The following ACTR3C variants were observed in gnomAD, a reference collection of about 807,000 sequenced individuals.
ACTR3C encodes actin related protein 3C.
Under a neutral mutation model 26.3 loss-of-function variants are expected in ACTR3C, and 18 were observed. The ratio of observed to expected loss-of-function variants is 0.68; its 90% CI spans 0.47 to 1.01. The LOEUF (loss-of-function observed/expected upper bound fraction) is 1.01. ACTR3C is among the 50% of genes least tolerant of loss of function. The pLI is 0.00. For missense variants in ACTR3C, 184 were observed against 250.7 expected, an observed-to-expected ratio of 0.73 and a Z score of 1.80; for synonymous variants, 55 against 94.5, an observed-to-expected ratio of 0.58 and a Z score of 2.42.
the ACTR3C span, among the ~76,000 whole-genome samples, chr7:150,035,189 G>GTAA: frequency 1.0e-3 from 140 of 135,280 alleles, no homozygotes; most frequent in African/African-American, 3.9e-3. Context: ...CTGGCTCTCA[G>GTAA]TCCCCGCCTC....
the ACTR3C span, among the ~76,000 whole-genome samples, chr7:150,095,509 T>C: frequency 1.8e-4 from 27 of 150,716 alleles, no homozygotes; most frequent in South Asian, 4.2e-4. Flanking sequence ...AAATAGGCCT[T>C]TTCAGATAGT....
chr7:149,985,032 C>T, the ACTR3C span, among the ~76,000 whole-genome samples: 2 of 152,064 alleles, frequency 1.3e-5, no homozygotes, highest in African/African-American at 4.8e-5. Flanking sequence ...TAGAACCTGC[C>T]TACGCACCAA....
intron 6 of ACTR3C, among the ~76,000 whole-genome samples, chr7:150,277,226 C>T (rs1014479482): frequency 6.6e-6 from 1 of 152,128 alleles, no homozygotes; most frequent in Non-Finnish European, 1.5e-5. Flanking sequence ...TGTGGTGGCT[C>T]ACATCTGTAA....
intron 6 of ACTR3C, among the ~76,000 whole-genome samples, chr7:150,250,730 T>C (rs187753448): frequency 0.034 from 5,161 of 151,640 alleles, 335 homozygotes; most frequent in African/African-American, 0.12. Flanking sequence ...TCCCGGAAGT[T>C]TGGCTTCAGT....
chr7:149,899,673 A>C, the ACTR3C span, among the ~76,000 whole-genome samples: 16,323 of 146,812 alleles, frequency 0.11, 87 homozygotes, highest in East Asian at 0.25. Flanking sequence ...GCATTTGTGG[A>C]TTACAATTCC....
the ACTR3C span, among the ~76,000 whole-genome samples, chr7:149,888,570 C>T: frequency 1.3e-5 from 2 of 152,112 alleles, no homozygotes; most frequent in African/African-American, 2.4e-5. Context: ...TTGGTCTTTT[C>T]CCTATTGATT....
At chr7:149,993,290 G>A in the ACTR3C span, among the ~76,000 whole-genome samples, 3 of 151,756 alleles carry the variant, frequency 2.0e-5, no homozygotes, top group Admixed American at 6.6e-5. Flanking sequence ...TCACCATCAC[G>A]GCAACAGAAG....
the ACTR3C span, among the ~76,000 whole-genome samples, chr7:149,952,079 G>A: frequency 2.6e-5 from 4 of 150,960 alleles, no homozygotes; most frequent in Admixed American, 1.3e-4. Flanking sequence ...AGCAAGCTCC[G>A]CTGTCTCTTC....
chr7:149,917,441 T>C, the ACTR3C span, among the ~76,000 whole-genome samples: 1 of 152,262 alleles, frequency 6.6e-6, no homozygotes, highest in East Asian at 1.9e-4. Context: ...TGCTCCTATC[T>C]TTTGACAGCA....
the ACTR3C span, among the ~76,000 whole-genome samples, chr7:150,195,900 C>A: frequency 6.6e-6 from 1 of 152,088 alleles, no homozygotes; most frequent in Non-Finnish European, 1.5e-5. Context: ...ATAATAATTT[C>A]ATTTCACTTC....
the ACTR3C span, among the ~76,000 whole-genome samples, chr7:150,214,438 A>T: frequency 6.6e-6 from 1 of 152,192 alleles, no homozygotes; most frequent in Non-Finnish European, 1.5e-5. Context: ...ATCCGGAGCT[A>T]CGCACACAAA....
chr7:149,963,930 T>C, the ACTR3C span, among the ~76,000 whole-genome samples: 19 of 152,200 alleles, frequency 1.2e-4, no homozygotes, highest in Admixed American at 5.9e-4. Context: ...GAGACATGCA[T>C]GAATCCAACG....
chr7:150,214,308 G>GA, the ACTR3C span, among the ~76,000 whole-genome samples: 1 of 152,026 alleles, frequency 6.6e-6, no homozygotes, highest in Non-Finnish European at 1.5e-5. Flanking sequence ...AGTATTATAA[G>GA]AAGACTCCTC....
intron 1 of ACTR3C, among the ~76,000 whole-genome samples, chr7:150,297,746 G>A (rs1795036735): frequency 6.6e-6 from 1 of 152,090 alleles, no homozygotes. Context: ...CAGCTACTTG[G>A]GTGGTTGAGG....
chr7:150,117,524 C>T, the ACTR3C span, among the ~76,000 whole-genome samples: 1 of 152,246 alleles, frequency 6.6e-6, no homozygotes, highest in Admixed American at 6.5e-5. Flanking sequence ...AGCCAGATTG[C>T]CTCTCTAGAT....
the ACTR3C span, among the ~76,000 whole-genome samples, chr7:150,121,052 A>G: frequency 1.3e-5 from 2 of 152,088 alleles, no homozygotes; most frequent in African/African-American, 4.8e-5. Context: ...TGCTAAAAAC[A>G]CTCAATAAAC....
chr7:149,918,399 A>C, the ACTR3C span, among the ~76,000 whole-genome samples: 1 of 152,236 alleles, frequency 6.6e-6, no homozygotes. Flanking sequence ...AAAATTAAAA[A>C]AAAAATTTAG....
At chr7:149,882,264 C>T in the ACTR3C span, among the ~76,000 whole-genome samples, 2 of 152,218 alleles carry the variant, frequency 1.3e-5, no homozygotes, top group African/African-American at 2.4e-5. Flanking sequence ...TTCCTTGTCT[C>T]GGCTTCTGCT....
At chr7:150,162,450 T>G in the ACTR3C span, among the ~76,000 whole-genome samples, 1 of 152,066 alleles carries the variant, frequency 6.6e-6, no homozygotes, top group Non-Finnish European at 1.5e-5. Flanking sequence ...CTCAGCCTCC[T>G]GAGTAGCTGG....
Sources: gnomAD v4.1 joint callset for allele counts (sites outside exome capture counted in the v4.1 genomes callset) on GRCh38, gnomAD v4.1.1 for gene constraint, MANE v1.5 for transcripts, NCBI Gene and HGNC (gene_info 2026-07-23, HGNC 2026-07-21) for gene names.